DNAH8: variants seen among roughly 807,000 people sequenced by gnomAD.
DNAH8 encodes the protein dynein axonemal heavy chain 8, also known as axonemal beta dynein heavy chain 8.
In DNAH8, 382 loss-of-function variants were observed where a neutral mutation model predicts 562.1. The ratio of observed to expected loss-of-function variants is 0.68; its 90% confidence interval spans 0.63 to 0.74. The LOEUF (loss-of-function observed/expected upper bound fraction) is 0.74, where lower values mean the gene tolerates loss of function less well. Ranked by LOEUF, DNAH8 falls within the 30% of genes least tolerant of loss-of-function variation. DNAH8 has a pLI of 0.00. For missense variants in DNAH8, 5,203 were observed against 5,620.4 expected, an observed-to-expected ratio of 0.93 and a Z score of 2.37; for synonymous variants, 1,881 against 1,919.4, an observed-to-expected ratio of 0.98 and a Z score of 0.52.
intron 79 of DNAH8, among the ~76,000 whole-genome samples, chr6:38,942,009 G>C (rs1179641645): frequency 6.6e-6 from 1 of 152,116 alleles, no homozygotes; most frequent in African/African-American, 2.4e-5. Context: ...AGAGGCCTGA[G>C]GGAGCTCACT....
intron 58 of DNAH8, among the ~76,000 whole-genome samples, chr6:38,892,616 T>C (rs1416171751): frequency 2.0e-5 from 3 of 152,148 alleles, no homozygotes; most frequent in Admixed American, 2.0e-4. Flanking sequence ...CGATCACCTG[T>C]CCCCTGGACC....
chr6:38,782,910 A>G, intron 16 of DNAH8, 94 bp from the exon 17 acceptor site: 1 of 1,152,454 alleles, frequency 8.7e-7, no homozygotes, highest in Admixed American at 2.3e-5. Flanking sequence ...TAGCATAATT[A>G]TTTGATATCA....
At chr6:38,794,209 C>G (rs577464973) in intron 21 of DNAH8, among the ~76,000 whole-genome samples, 3 of 152,184 alleles carry the variant, frequency 2.0e-5, no homozygotes, top group Non-Finnish European at 4.4e-5. Flanking sequence ...TCCACTCTTT[C>G]CCTGAGGGCC....
chr6:38,998,943 A>T (rs1420849410), intron 88 of DNAH8, among the ~76,000 whole-genome samples: 2 of 152,330 alleles, frequency 1.3e-5, no homozygotes, highest in East Asian at 3.9e-4. Flanking sequence ...ATAGCTAGCT[A>T]ACTAGGCTTC....
At chr6:38,893,090 C>T (rs2150491394) in intron 58 of DNAH8, among the ~76,000 whole-genome samples, 1 of 152,226 alleles carries the variant, frequency 6.6e-6, no homozygotes, top group African/African-American at 2.4e-5. Flanking sequence ...GAATAAAAGC[C>T]CGCTTGATGG....
chr6:38,822,942 G>A lies in DNAH8; in HGVS notation c.3628G>A (p.Val1210Ile), dbSNP rs769024310. 8 of 1,613,566 alleles carry A rather than the reference G, an allele frequency of 5.0e-6. No individual in the cohort carries two copies. Residue 1210 changes from valine (V) to isoleucine (I), a missense_variant, in exon 27 of 93, where the codon GTA (valine) becomes ATA (isoleucine). By Grantham distance (29) the Val-to-Ile change is conservative. Coordinates refer to ENST00000327475, the MANE Select transcript of DNAH8 (RefSeq NM_001206927.2). ...SKLVLLLSSS[V>I]NSLRKAAHEA... is the part of the protein sequence containing the mutation. Reference sequence around the variant, plus strand: ...GTTGGTCCTGCTCCTTTCTTCCTCTGTAAATTCCCTAAGAAAGGCAGCTCA... The same window carrying A: ...GTTGGTCCTGCTCCTTTCTTCCTCTATAAATTCCCTAAGAAAGGCAGCTCA...
chr6:38,760,125 A>G (rs1766346139), intron 10 of DNAH8, among the ~76,000 whole-genome samples: 1 of 152,242 alleles, frequency 6.6e-6, no homozygotes, highest in South Asian at 2.1e-4. Context: ...TGTGATTCCC[A>G]CATCTTTTTC....
Position 38,775,762 on chromosome 6 carries a change from AATG to A in DNAH8, c.1776_1778del (p.Met592del). 1 of 1,580,372 alleles carries A rather than the reference AATG, an allele frequency of 6.3e-7. No individual in the cohort carries two copies. The highest frequency in any genetic ancestry group is 8.6e-7 in the Non-Finnish European group (1 of 1,156,170). On this transcript the variant is annotated inframe_deletion, in exon 13 of 93. Coordinates refer to ENST00000327475, the MANE Select transcript of DNAH8 (RefSeq NM_001206927.2). ...ACATTTCTCTTTTTAAGATTACAGA[AATG>A]ATAACTGTTGTGCAAACATATTCAA...
chr6:39,029,526 A>AG (rs1242400827), intron 92 of DNAH8, among the ~76,000 whole-genome samples: 1 of 152,226 alleles, frequency 6.6e-6, no homozygotes, highest in Non-Finnish European at 1.5e-5. Context: ...ACCCCAGGGT[A>AG]GGGCCTATTG....
At chr6:38,749,484 A>G (rs1003828423) in intron 8 of DNAH8, among the ~76,000 whole-genome samples, 3 of 151,498 alleles carry the variant, frequency 2.0e-5, no homozygotes, top group African/African-American at 7.3e-5. Flanking sequence ...TGGCACATAT[A>G]TACTATGTAA....
At position 38,851,615 on chromosome 6, in the gene DNAH8, GT is replaced by G; in HGVS notation, c.5408del (p.Val1803AspfsTer33). 6.2e-7 allele frequency: 1 copy of G among 1,612,152 alleles called. No homozygotes were observed. Among genetic ancestry groups the G allele is most frequent in the Non-Finnish European group, 8.5e-7 (1 of 1,179,300 alleles). ...ATTACTGTTTCCAAGATTCTTCTTT[GT>G]ATCTGATCCAGTTCTCCTGGAAATT... ...KRLLFPRFFF[V>X]SDPVLLEILG... On this transcript the variant is annotated frameshift_variant, in exon 39 of 93. Transcript: ENST00000327475. LOFTEE classifies it high-confidence loss of function.
chr6:38,808,650 C>A (rs1314183831), intron 24 of DNAH8, among the ~76,000 whole-genome samples: 1 of 152,150 alleles, frequency 6.6e-6, no homozygotes, highest in Non-Finnish European at 1.5e-5. Flanking sequence ...CGTATGTTTA[C>A]TGTGGCAATG....
At chr6:38,817,842 G>T (rs917606960) in intron 26 of DNAH8, among the ~76,000 whole-genome samples, 2 of 152,116 alleles carry the variant, frequency 1.3e-5, no homozygotes, top group Non-Finnish European at 2.9e-5. Flanking sequence ...ATAAATATTA[G>T]TTCCTTCAAG....
Position 38,870,404 on chromosome 6 carries a change from G to A in DNAH8, c.6832G>A (p.Asp2278Asn). 6.2e-7 allele frequency: 1 copy of A among 1,612,324 alleles called. No individual in the cohort carries two copies. The highest frequency in any genetic ancestry group is 8.5e-7 in the Non-Finnish European group (1 of 1,179,244). Residue 2278 changes from aspartate to asparagine, a missense_variant, in exon 49 of 93, where the codon GAT becomes AAT. Transcript: ENST00000327475. Reference protein sequence around the residue: ...LRDMNLSKLVDEDEPLFLSLI... With the variant: ...LRDMNLSKLVNEDEPLFLSLI... ...ATTTTAAACTATGCCACCTTAGGTTGATGAAGATGAACCCCTGTTCCTCAG... is the reference window on the plus strand; with the variant it reads ...ATTTTAAACTATGCCACCTTAGGTTAATGAAGATGAACCCCTGTTCCTCAG...
chr6:38,958,788 T>C (rs1762432492), intron 82 of DNAH8, among the ~76,000 whole-genome samples: 1 of 152,080 alleles, frequency 6.6e-6, no homozygotes, highest in Non-Finnish European at 1.5e-5. Context: ...TCAGACTCAT[T>C]CTATGAGACT....
chr6:38,822,909 A>G lies in DNAH8; in HGVS notation c.3595A>G (p.Ile1199Val), dbSNP rs748098363. ...CCCGGGGGTAGCGGAGCACAAGGAT[A>G]TTTCTAAGTTGGTCCTGCTCCTTTC... ...FYPGVAEHKDISKLVLLLSSS... is the reference protein window; with the variant it reads ...FYPGVAEHKDVSKLVLLLSSS... Residue 1199 changes from isoleucine (I) to valine (V), a missense_variant, in exon 27 of 93, where the codon ATT becomes GTT. Physicochemically the swap from Ile to Val is conservative, Grantham distance 29. This residue lies in a region of DNAH8 where 2,176 missense variants were observed against 2,365.1 expected (regional missense o/e 0.92). Transcript: ENST00000327475. 2 of 1,613,076 alleles carry G rather than the reference A, an allele frequency of 1.2e-6. No individual in the cohort carries two copies. The highest frequency in any genetic ancestry group is 8.5e-7 in the Non-Finnish European group (1 of 1,179,732).
chr6:38,901,032 A>G (rs1381197237), intron 62 of DNAH8, among the ~76,000 whole-genome samples: 2 of 151,966 alleles, frequency 1.3e-5, no homozygotes, highest in East Asian at 3.9e-4. Flanking sequence ...TCTTTTGTGA[A>G]TTATAAAAGC....
At chr6:38,821,448 TG>T (rs1772831850) in intron 26 of DNAH8, among the ~76,000 whole-genome samples, 1 of 152,210 alleles carries the variant, frequency 6.6e-6, no homozygotes, top group Non-Finnish European at 1.5e-5. Flanking sequence ...AGACTTTTTT[TG>T]CGGAAGAAAT....
At position 38,842,754 on chromosome 6, in the gene DNAH8, C is replaced by T. The variant is rs1774924011; in HGVS notation, c.4696C>T (p.Leu1566=). The T allele has an allele frequency of 1.2e-6, 2 of 1,613,852 alleles. No homozygotes were observed. The highest frequency in any genetic ancestry group is 1.7e-6 in the Non-Finnish European group (2 of 1,179,886). The change falls in exon 35 of 93, where the codon CTG becomes TTG. Residue 1566 remains leucine, a synonymous_variant. Transcript: ENST00000327475. ...TGATTTCAGTGAGTCATGTCCTCTA[C>T]TGGAAATGATGACCAATAAGGCCAT... ...IDDFSESCPL[L]EMMTNKAMKQ...
Sources: allele counts gnomAD v4.1 joint callset (sites outside exome capture counted in the v4.1 genomes callset), GRCh38; gene constraint gnomAD v4.1.1; regional missense constraint gnomAD v4.1.1; transcripts MANE v1.5; gene names NCBI Gene and HGNC (gene_info 2026-07-23, HGNC 2026-07-21).